Variants in PATJ observed in about 807,000 individuals in gnomAD.
The protein encoded by PATJ is inaD-like protein.
A neutral mutation model predicts 224.9 loss-of-function variants in PATJ; 190 were observed. The ratio of observed to expected loss-of-function variants is 0.84; its 90% confidence interval spans 0.75 to 0.95. The LOEUF (loss-of-function observed/expected upper bound fraction) is 0.95. Among genes scored for constraint, PATJ ranks in the 40% least tolerant of loss-of-function variants. The pLI is 0.00. For synonymous variants in PATJ, 769 were observed against 820.3 expected (o/e 0.94, Z 1.07); for missense variants, 2,121 against 2,270.3 (o/e 0.93, Z 1.34).
At chr1:61,937,263 C>T (rs893724464) in intron 27 of PATJ, among the ~76,000 whole-genome samples, 13 of 152,058 alleles carry the variant, frequency 8.5e-5, no homozygotes, top group African/African-American at 2.7e-4. Flanking sequence ...GAGACAGTTT[C>T]GTTCTGTCAC....
chr1:62,140,663 A>T (rs77223048), intron 41 of PATJ, among the ~76,000 whole-genome samples: 1 of 151,926 alleles, frequency 6.6e-6, no homozygotes, highest in Non-Finnish European at 1.5e-5. Flanking sequence ...AAAAAAAAAA[A>T]TTGATTTTTA....
Position 62,047,496 on chromosome 1 carries a change from C to T in PATJ, c.4033-3470C>T, listed in dbSNP as rs905357188. Among the ~76,000 whole-genome samples, 6 of 152,078 alleles carry T rather than the reference C, an allele frequency of 3.9e-5. No homozygotes were observed. In the South Asian group the frequency reaches 6.2e-4, roughly 16 times the overall value. On this transcript the variant is annotated intron_variant, in intron 30 of 43. Transcript: ENST00000642238. ...TGAACTCCTGACCTCGTGATCCACC[C>T]GTCTCAGCCTCCCAAAGTGCTGGGA...
At position 61,787,775 on chromosome 1, in the gene PATJ, G is replaced by C; in HGVS notation, c.871G>C (p.Asp291His). 6.2e-7 allele frequency: 1 copy of C among 1,613,932 alleles called. No individual in the cohort carries two copies. The highest frequency in any genetic ancestry group is 1.1e-5 in the South Asian group (1 of 91,076). Reference sequence around the variant, plus strand: ...GAAGGATGGAAGACTCCAGACAGGGGACCACATCTTGAAGATTGGTGGCAC... The same window carrying C: ...GAAGGATGGAAGACTCCAGACAGGGCACCACATCTTGAAGATTGGTGGCAC... ...ADRDGRLQTG[D>H]HILKIGGTNV... is the part of the protein sequence containing the mutation. The change falls in exon 8 of 44, where the codon GAC becomes CAC. Residue 291 changes from aspartate (D) to histidine (H), a missense_variant. Physicochemically the swap from Asp to His is moderately conservative, Grantham distance 81. Transcript: ENST00000642238.
chr1:61,947,686 A>C (rs531552608), intron 27 of PATJ, among the ~76,000 whole-genome samples: 2 of 152,198 alleles, frequency 1.3e-5, no homozygotes, highest in African/African-American at 2.4e-5. Context: ...GCTACCAATG[A>C]CTTTCTTCAC....
intron 12 of PATJ, among the ~76,000 whole-genome samples, chr1:61,803,603 C>T (rs1443338404): frequency 6.6e-6 from 1 of 152,064 alleles, no homozygotes; most frequent in African/African-American, 2.4e-5. Context: ...CAACCTCATT[C>T]GCAATGAAAG....
chr1:61,814,519 A>AGTGTGTGTGTGTGTGTGT (rs67159092), intron 14 of PATJ, among the ~76,000 whole-genome samples: 36 of 144,058 alleles, frequency 2.5e-4, no homozygotes, highest in African/African-American at 7.9e-4. Flanking sequence ...CCTTTTGTTT[A>AGTGTGTGTGTGTGTGTGT]GTGTGTGTGT....
chr1:61,940,491 C>T (rs1424650581), intron 27 of PATJ, among the ~76,000 whole-genome samples: 4 of 151,976 alleles, frequency 2.6e-5, no homozygotes, highest in Admixed American at 6.6e-5. Context: ...CCGAGATGGG[C>T]GGATCACGAG....
At chr1:61,986,573 C>G (rs531846187) in intron 27 of PATJ, among the ~76,000 whole-genome samples, 1 of 152,128 alleles carries the variant, frequency 6.6e-6, no homozygotes, top group Non-Finnish European at 1.5e-5. Flanking sequence ...GCGCGTGCCG[C>G]TATGCTGGGC....
chr1:61,765,066 A>ATTTTTTTTTTTTTTTTTTTTTTTT lies in PATJ; in HGVS notation c.190-1203_190-1180dup, dbSNP rs71582647. Among the ~76,000 whole-genome samples the ATTTTTTTTTTTTTTTTTTTTTTTT allele has an allele frequency of 8.3e-5, 2 of 24,020 alleles. 1 individual carries two copies. The highest frequency in any genetic ancestry group is 1.7e-3 in the Admixed American group (2 of 1,162). The allele number at this position is 24,020 out of a possible 152,430, so 15.8% of individuals were successfully genotyped here. ...TTTCTTTGAGGTTTTATTGACATTC[A>ATTTTTTTTTTTTTTTTTTTTTTTT]TTTTTTTTTTTTTTTTTTTTTTTTT... On this transcript the variant is annotated intron_variant, in intron 3 of 43. Coordinates refer to ENST00000642238, the MANE Select transcript of PATJ (RefSeq NM_001350145.3).
At chr1:62,003,869 C>T (rs1472005076) in intron 28 of PATJ, among the ~76,000 whole-genome samples, 1 of 152,106 alleles carries the variant, frequency 6.6e-6, no homozygotes, top group Non-Finnish European at 1.5e-5. Flanking sequence ...AAGAAACTAC[C>T]TCTATTATCT....
chr1:61,911,791 C>T (rs1338368040), intron 25 of PATJ, among the ~76,000 whole-genome samples: 1 of 147,760 alleles, frequency 6.8e-6, no homozygotes, highest in East Asian at 2.0e-4. Context: ...TTCTTCAGGA[C>T]AAGGAACACA....
chr1:62,079,152 T>G (rs1205410968), intron 31 of PATJ, among the ~76,000 whole-genome samples: 2 of 152,128 alleles, frequency 1.3e-5, no homozygotes, highest in Non-Finnish European at 2.9e-5. Flanking sequence ...ATAATTTTTG[T>G]TTTGCCTCCC....
intron 24 of PATJ, among the ~76,000 whole-genome samples, chr1:61,901,724 G>A (rs1292079723): frequency 6.6e-6 from 1 of 152,174 alleles, no homozygotes; most frequent in Admixed American, 6.5e-5. Context: ...ATATAGAACA[G>A]GGCAGATGGT....
chr1:62,154,845 T>A (rs1669016093), intron 43 of PATJ, among the ~76,000 whole-genome samples: 1 of 152,330 alleles, frequency 6.6e-6, no homozygotes, highest in South Asian at 2.1e-4. Context: ...ATTTGGCATT[T>A]ACTTTTGGAC....
intron 26 of PATJ, among the ~76,000 whole-genome samples, chr1:61,924,789 A>T (rs1674860254): frequency 6.6e-6 from 1 of 152,204 alleles, no homozygotes; most frequent in African/African-American, 2.4e-5. Flanking sequence ...GCAGATACAC[A>T]ATGTATTCTG....
chr1:61,809,851 CTTT>C (rs34929042), intron 14 of PATJ, among the ~76,000 whole-genome samples: 2 of 138,954 alleles, frequency 1.4e-5, no homozygotes. Flanking sequence ...TCTTTTCTTT[CTTT>C]TTTTTTTTTT....
At chr1:61,774,119 CAAAAAAA>C in intron 6 of PATJ, among the ~76,000 whole-genome samples, 2 of 68,844 alleles carry the variant, frequency 2.9e-5, no homozygotes, top group Admixed American at 1.9e-4. Context: ...GACTCCATCT[CAAAAAAA>C]AAAAAAAAAA....
In PATJ at chr1:61,775,352, G is replaced by A. The variant is rs1298389041; in HGVS notation, c.849+18G>A. The A allele has an allele frequency of 2.5e-6, 4 of 1,593,350 alleles. No individual in the cohort carries two copies. In the South Asian group the frequency reaches 3.5e-5, roughly 14 times the overall value. On this transcript the variant is annotated intron_variant, in intron 7 of 43. Coordinates refer to ENST00000642238, the MANE Select transcript of PATJ (RefSeq NM_001350145.3). The stretch of plus-strand genomic sequence containing the variant: ...CAGATCGAGTAAGTCAACCTTCCTT[G>A]TTATCATTTTGGTTTTATAAAATTT...
chr1:61,887,009 C>G (rs1424051561), intron 22 of PATJ, among the ~76,000 whole-genome samples: 2 of 150,558 alleles, frequency 1.3e-5, no homozygotes, highest in African/African-American at 4.9e-5. Context: ...ACTTAGATAA[C>G]TAGATGGTAT....
Sources: gnomAD v4.1 joint callset for allele counts (sites outside exome capture counted in the v4.1 genomes callset) on GRCh38, gnomAD v4.1.1 for gene constraint, MANE v1.5 for transcripts, NCBI Gene and HGNC (gene_info 2026-07-23, HGNC 2026-07-21) for gene names.